Variants in YTHDF1 observed in about 807,000 individuals in gnomAD.
YTHDF1 encodes the protein YTH N6-methyladenosine RNA binding protein F1, also known as YTH domain-containing family protein 1.
A neutral mutation model predicts 49.1 loss-of-function variants in YTHDF1; 16 were observed. The observed-to-expected ratio is 0.33, with a 90% CI of 0.22 to 0.49. The LOEUF (loss-of-function observed/expected upper bound fraction) is 0.49, where lower values mean the gene tolerates loss of function less well. Among genes scored for constraint, YTHDF1 ranks in the 20% least tolerant of loss-of-function variants. The pLI, the probability that YTHDF1 is intolerant of heterozygous loss-of-function variation, is 0.99. For missense variants in YTHDF1, 621 were observed against 744.3 expected, an observed-to-expected ratio of 0.83 and a Z score of 1.93; for synonymous variants, 313 against 290.1, an observed-to-expected ratio of 1.08 and a Z score of -0.80.
intron 4 of YTHDF1, among the ~76,000 whole-genome samples, chr20:63,200,746 T>A (rs2066513580): frequency 6.6e-6 from 1 of 152,160 alleles, no homozygotes; most frequent in Non-Finnish European, 1.5e-5. Flanking sequence ...TCCGCACACT[T>A]TATGAAAACC....
chr20:63,212,144 C>T (rs55661704), intron 3 of YTHDF1, among the ~76,000 whole-genome samples: 1,565 of 152,332 alleles, frequency 0.01, 24 homozygotes, highest in African/African-American at 0.035. Flanking sequence ...CCTGCCATTA[C>T]CTCTATCCAA....
intron 3 of YTHDF1, among the ~76,000 whole-genome samples, chr20:63,212,403 AGAG>A (rs1950567388): frequency 6.6e-6 from 1 of 152,264 alleles, no homozygotes; most frequent in Non-Finnish European, 1.5e-5. Flanking sequence ...ATTCCTTCAC[AGAG>A]AAGAGGTGAA....
In YTHDF1 at chr20:63,202,481, T is replaced by C; in HGVS notation, c.1459A>G (p.Asn487Asp). 6.2e-7 allele frequency: 1 copy of C among 1,614,260 alleles called. No homozygotes were observed. The highest frequency in any genetic ancestry group is 8.5e-7 in the Non-Finnish European group (1 of 1,180,048). ...TCCAGCCTGATGTGCCGGAGCTGGTTATTGGGTACATCCTTAACAAAAATC... is the reference window on the plus strand; with the variant it reads ...TCCAGCCTGATGTGCCGGAGCTGGTCATTGGGTACATCCTTAACAAAAATC... ...QWIFVKDVPN[N>D]QLRHIRLENN... The change falls in exon 4 of 5, where the codon AAC becomes GAC. Residue 487 changes from asparagine (N) to aspartate (D), a missense_variant. By Grantham distance (23) the Asn-to-Asp change is conservative (BLOSUM62 1). This residue lies in a region of YTHDF1 where 151 missense variants were observed against 248.5 expected (regional missense o/e 0.61). Transcript: ENST00000370339.
chr20:63,212,612 G>A (rs149770192), intron 3 of YTHDF1, among the ~76,000 whole-genome samples: 2 of 152,238 alleles, frequency 1.3e-5, no homozygotes, highest in African/African-American at 4.8e-5. Context: ...CTGGAGGTAG[G>A]AAAGTGAGGC....
rs547202217 is a variant in YTHDF1, at chr20:63,211,118, G to GGAACCACA, written c.132+2745_132+2746insTGTGGTTC. Among the ~76,000 whole-genome samples the GGAACCACA allele has an allele frequency of 2.0e-3, 153 of 75,750 alleles. No individual in the cohort carries two copies. In the East Asian group the frequency reaches 0.081, roughly 40 times the overall value. 49.7% of individuals were successfully genotyped at this position (75,750 alleles called of 152,430 possible). On this transcript the variant is annotated intron_variant, in intron 3 of 4. Coordinates refer to ENST00000370339, the MANE Select transcript of YTHDF1 (RefSeq NM_017798.4). ...AGTATGACAGTTTCACACAAAACAC[G>GGAACCACA]GTAGCCTCCAACTGGCTACTACAAA...
At chr20:63,214,955 T>C (rs896779123) in intron 2 of YTHDF1, among the ~76,000 whole-genome samples, 4 of 152,214 alleles carry the variant, frequency 2.6e-5, no homozygotes, top group African/African-American at 9.7e-5. Context: ...CCCACTGTTA[T>C]TATGCTCAGC....
intron 2 of YTHDF1, chr20:63,214,241 A>G: frequency 1.9e-6 from 1 of 513,370 alleles, no homozygotes; most frequent in Non-Finnish European, 2.5e-6. Flanking sequence ...GAAAACTGAC[A>G]TGGTCTAAGA....
intron 3 of YTHDF1, among the ~76,000 whole-genome samples, chr20:63,207,409 C>T (rs2066551880): frequency 6.6e-6 from 1 of 151,930 alleles, no homozygotes; most frequent in South Asian, 2.1e-4. Context: ...GCGGAGCTTG[C>T]AGTGAGCCGA....
Position 63,196,586 on chromosome 20 carries a change from A to G in YTHDF1, c.*122T>C. On this transcript the variant is annotated 3_prime_UTR_variant, in exon 5 of 5. Coordinates refer to ENST00000370339, the MANE Select transcript of YTHDF1 (RefSeq NM_017798.4). ...TCCATCTGGGCAAAAATCAACGACA[A>G]GAAAGGCAAAGATGCAACACTCAAC... 4.2e-6 allele frequency: 5 copies of G among 1,181,118 alleles called. No individual in the cohort carries two copies. The highest frequency in any genetic ancestry group is 6.1e-6 in the Non-Finnish European group (5 of 825,332). 73.2% of individuals were successfully genotyped at this position (1,181,118 alleles called of 1,614,324 possible).
chr20:63,208,674 A>AC (rs2066559475), intron 3 of YTHDF1, among the ~76,000 whole-genome samples: 1 of 152,186 alleles, frequency 6.6e-6, no homozygotes, highest in Non-Finnish European at 1.5e-5. Flanking sequence ...GCAAATGCCT[A>AC]CTTAGCAGGC....
intron 4 of YTHDF1, among the ~76,000 whole-genome samples, chr20:63,201,523 C>A (rs1032758327): frequency 3.9e-5 from 6 of 152,352 alleles, no homozygotes; most frequent in Middle Eastern, 3.4e-3. Flanking sequence ...CAAACACACT[C>A]AATCCCGTCA....
intron 4 of YTHDF1, among the ~76,000 whole-genome samples, chr20:63,201,611 G>C (rs2066517718): frequency 6.6e-6 from 1 of 152,172 alleles, no homozygotes; most frequent in African/African-American, 2.4e-5. Context: ...AAAAGGCCCA[G>C]TCAATGAATT....
chr20:63,198,360 A>G (rs190481975), intron 4 of YTHDF1, among the ~76,000 whole-genome samples: 10 of 152,158 alleles, frequency 6.6e-5, no homozygotes, highest in African/African-American at 2.4e-4. Flanking sequence ...CACAAGAATT[A>G]CTTGAACCTA....
At chr20:63,202,201 G>T in intron 4 of YTHDF1, 86 bp downstream of exon 4, 1 of 1,500,152 alleles carries the variant, frequency 6.7e-7, no homozygotes, top group Non-Finnish European at 8.9e-7. Flanking sequence ...CGGACCTGCC[G>T]CATCTGCTCA....
chr20:63,212,243 C>T (rs1388566819), intron 3 of YTHDF1, among the ~76,000 whole-genome samples: 4 of 152,164 alleles, frequency 2.6e-5, no homozygotes, highest in African/African-American at 7.2e-5. Context: ...GAAGCAGGGT[C>T]GGAGCGCGGG....
chr20:63,201,187 G>C (rs538325196), intron 4 of YTHDF1, among the ~76,000 whole-genome samples: 4 of 152,192 alleles, frequency 2.6e-5, no homozygotes, highest in Non-Finnish European at 5.9e-5. Context: ...AAGTTGTTCA[G>C]GACTTGCATA....
At chr20:63,211,222 T>C (rs957372697) in intron 3 of YTHDF1, among the ~76,000 whole-genome samples, 3 of 152,326 alleles carry the variant, frequency 2.0e-5, no homozygotes, top group Admixed American at 2.0e-4. Context: ...CCTAGCACTT[T>C]GGGAGGCTGA....
rs770431884 is a variant in YTHDF1 at position 63,215,619 on chromosome 20, G to A, written c.28-18C>T. The A allele has an allele frequency of 6.9e-6, 11 of 1,605,772 alleles. No individual in the cohort carries two copies. The highest frequency in any genetic ancestry group is 2.3e-5 in the East Asian group (1 of 43,696). On this transcript the variant is annotated intron_variant, in intron 1 of 4. Coordinates refer to ENST00000370339, the MANE Select transcript of YTHDF1 (RefSeq NM_017798.4). The stretch of plus-strand genomic sequence containing the variant: ...TTTGTTCTCTGCACCGCCGCAGGCC[G>A]GGACGTGGGGTACACACAACCCGGG...
rs1376376048 is a variant in YTHDF1, at chr20:63,214,583, T to C, written c.53-640A>G. Among the ~76,000 whole-genome samples the C allele has an allele frequency of 2.6e-5, 4 of 152,304 alleles. No homozygotes were observed. The East Asian group carries it at 7.7e-4, about 29-fold the overall frequency. On this transcript the variant is annotated intron_variant, in intron 2 of 4. Transcript: ENST00000370339. ...AGAACCATCAATGTAAGATGTACATTGGTTTGGTCCGGAGAGGCGGGACAA... is the reference window on the plus strand; with the variant it reads ...AGAACCATCAATGTAAGATGTACATCGGTTTGGTCCGGAGAGGCGGGACAA...
Sources: allele counts gnomAD v4.1 joint callset (sites outside exome capture counted in the v4.1 genomes callset), GRCh38; gene constraint gnomAD v4.1.1; regional missense constraint gnomAD v4.1.1; transcripts MANE v1.5; gene names NCBI Gene and HGNC (gene_info 2026-07-23, HGNC 2026-07-21).